MAML3: variants seen among roughly 807,000 people sequenced by gnomAD.
MAML3 encodes mastermind-like protein 3.
MAML3 carries 27 observed loss-of-function variants against 101.9 expected under a neutral mutation model. The observed-to-expected ratio is 0.27, with a 90% confidence interval of 0.20 to 0.37. The LOEUF is 0.37. Ranked by LOEUF, MAML3 falls within the 10% of genes least tolerant of loss-of-function variation. The probability of loss-of-function intolerance (pLI) is 1.00; values close to 1 mark genes in which losing one functional copy is unlikely to be tolerated. For synonymous variants in MAML3, 501 were observed against 555.9 expected (o/e 0.90, Z 1.39); for missense variants, 1,316 against 1,444.9 (o/e 0.91, Z 1.45).
intron 1 of MAML3, among the ~76,000 whole-genome samples, chr4:139,958,125 G>C (rs1161579719): frequency 2.0e-5 from 3 of 152,182 alleles, no homozygotes. Flanking sequence ...AGCTGACCCA[G>C]ACACAGTAGA....
Position 139,879,233 on chromosome 4 carries a change from A to G in MAML3, c.2079+10124T>C, listed in dbSNP as rs77529365. On this transcript the variant is annotated intron_variant, in intron 2 of 4. Transcript: ENST00000509479. ...TTATGTACTATTTCTCCATTTGAAA[A>G]TGGTAGTGGTGGCCGGGTGCAGTGG... 1.6e-3 allele frequency among the ~76,000 whole-genome samples: 250 copies of G among 152,212 alleles called. 1 individual carries two copies. In the Middle Eastern group the frequency reaches 0.02, roughly 12 times the overall value.
chr4:140,109,955 C>G (rs1728412819), intron 1 of MAML3, among the ~76,000 whole-genome samples: 2 of 152,174 alleles, frequency 1.3e-5, no homozygotes, highest in Non-Finnish European at 2.9e-5. Context: ...CCATATAATG[C>G]TCTTCAAAAT....
intron 2 of MAML3, among the ~76,000 whole-genome samples, chr4:139,829,352 T>G (rs1731122658): frequency 6.6e-6 from 1 of 152,194 alleles, no homozygotes; most frequent in South Asian, 2.1e-4. Context: ...GTAGAAGTTT[T>G]TAAGTCAGAT....
intron 2 of MAML3, among the ~76,000 whole-genome samples, chr4:139,789,571 G>T (rs1560794820): frequency 6.6e-6 from 1 of 152,250 alleles, no homozygotes; most frequent in South Asian, 2.1e-4. Flanking sequence ...CAGGGGGAAG[G>T]CCTGGGTGGG....
intron 1 of MAML3, among the ~76,000 whole-genome samples, chr4:140,110,128 A>G (rs1728416958): frequency 6.6e-6 from 1 of 152,246 alleles, no homozygotes; most frequent in African/African-American, 2.4e-5. Flanking sequence ...AGCAAGAAGG[A>G]TACATGAACA....
In MAML3 at chr4:140,153,663, C is replaced by T; in HGVS notation, c.-336G>A. On this transcript the variant is annotated 5_prime_UTR_variant, in exon 1 of 5. Transcript: ENST00000509479. Reference sequence around the variant, plus strand: ...CAAGGGGAGATCCGCTCCTTGCTTGCCTTCTTTTTATAATCCATTATTTTC... The same window carrying T: ...CAAGGGGAGATCCGCTCCTTGCTTGTCTTCTTTTTATAATCCATTATTTTC... The T allele has an allele frequency of 3.5e-6, 1 of 287,782 alleles. No homozygotes were observed. The highest frequency in any genetic ancestry group is 1.0e-4 in the South Asian group (1 of 9,790). 17.8% of individuals were successfully genotyped at this position (287,782 alleles called of 1,614,324 possible).
At chr4:139,958,421 A>G (rs1381988016) in intron 1 of MAML3, among the ~76,000 whole-genome samples, 2 of 152,202 alleles carry the variant, frequency 1.3e-5, no homozygotes, top group Non-Finnish European at 2.9e-5. Context: ...TTCTATTCTC[A>G]AGAATTCATA....
chr4:139,766,225 G>A (rs1024067865), intron 2 of MAML3, among the ~76,000 whole-genome samples: 3 of 152,080 alleles, frequency 2.0e-5, no homozygotes, highest in African/African-American at 4.8e-5. Flanking sequence ...AGGCTGGAGT[G>A]CAGTGGCATG....
At chr4:139,967,409 A>G (rs1734154299) in intron 1 of MAML3, among the ~76,000 whole-genome samples, 2 of 151,760 alleles carry the variant, frequency 1.3e-5, no homozygotes, top group African/African-American at 4.8e-5. Context: ...CCTGTGGCCT[A>G]CAGTACTCCC....
At chr4:139,779,476 G>T (rs550267713) in intron 2 of MAML3, among the ~76,000 whole-genome samples, 34 of 152,208 alleles carry the variant, frequency 2.2e-4, no homozygotes. Flanking sequence ...TGTCTTTCAG[G>T]TTTATAGCCC....
At chr4:139,929,588 T>A (rs1378341662) in intron 1 of MAML3, among the ~76,000 whole-genome samples, 2 of 152,208 alleles carry the variant, frequency 1.3e-5, no homozygotes, top group Admixed American at 6.5e-5. Flanking sequence ...AACTCAAATA[T>A]ACTAGCATCT....
At chr4:139,847,409 C>A (rs138809551) in intron 2 of MAML3, among the ~76,000 whole-genome samples, 2,613 of 152,284 alleles carry the variant, frequency 0.017, 37 homozygotes, top group Middle Eastern at 0.054. Flanking sequence ...TCCCGCAGTG[C>A]TTGTTTTACA....
intron 1 of MAML3, among the ~76,000 whole-genome samples, chr4:140,027,453 G>A (rs11932680): frequency 1.2e-4 from 19 of 152,282 alleles, no homozygotes; most frequent in African/African-American, 4.3e-4. Context: ...TACAGTGCCT[G>A]GGATCGTGCT....
chr4:139,765,795 C>T (rs997986308), intron 2 of MAML3, among the ~76,000 whole-genome samples: 4 of 151,796 alleles, frequency 2.6e-5, no homozygotes, highest in African/African-American at 9.7e-5. Flanking sequence ...CCATCCTGGG[C>T]AACATAGCAA....
At chr4:139,808,136 A>G (rs1284258093) in intron 2 of MAML3, among the ~76,000 whole-genome samples, 1 of 152,250 alleles carries the variant, frequency 6.6e-6, no homozygotes, top group African/African-American at 2.4e-5. Context: ...CTGTCAGACA[A>G]GCTATCCAAT....
chr4:140,104,470 T>C (rs1015683976), intron 1 of MAML3, among the ~76,000 whole-genome samples: 5 of 87,136 alleles, frequency 5.7e-5, no homozygotes. Flanking sequence ...TGTGTATATA[T>C]ATAATTTTTT....
At chr4:140,146,048 A>G (rs1305014790) in intron 1 of MAML3, among the ~76,000 whole-genome samples, 1 of 143,572 alleles carries the variant, frequency 7.0e-6, no homozygotes, top group African/African-American at 2.6e-5. Flanking sequence ...TAATTTTTGT[A>G]TTTTAGTAGA....
At chr4:139,750,086 C>T (rs945248671) in intron 2 of MAML3, among the ~76,000 whole-genome samples, 3 of 151,896 alleles carry the variant, frequency 2.0e-5, no homozygotes, top group African/African-American at 4.9e-5. Context: ...ACAAGAAACT[C>T]TGAATGGCAG....
chr4:139,795,295 C>T (rs1730492392), intron 2 of MAML3, among the ~76,000 whole-genome samples: 1 of 152,070 alleles, frequency 6.6e-6, no homozygotes, highest in Non-Finnish European at 1.5e-5. Flanking sequence ...TTTGGAAGTC[C>T]CTTAAAGTGT....
Sources: allele counts gnomAD v4.1 joint callset (sites outside exome capture counted in the v4.1 genomes callset), GRCh38; gene constraint gnomAD v4.1.1; transcripts MANE v1.5; gene names NCBI Gene and HGNC (gene_info 2026-07-23, HGNC 2026-07-21).